Variants in MAPT observed in about 807,000 individuals in gnomAD.
MAPT encodes microtubule-associated protein tau.
Under a neutral mutation model 67.9 loss-of-function variants are expected in MAPT, and 34 were observed. The observed-to-expected ratio is 0.50, with a 90% confidence interval of 0.38 to 0.67. MAPT has a LOEUF of 0.67. Ranked by LOEUF, MAPT falls within the 30% of genes least tolerant of loss-of-function variation. The pLI, the probability that MAPT is intolerant of heterozygous loss-of-function variation, is 0.00. For missense variants in MAPT, 881 were observed against 1,115.2 expected (o/e 0.79, Z 2.99); for synonymous variants, 456 against 464.5 (o/e 0.98, Z 0.23).
chr17:46,018,860 G>A (rs1284526184), intron 12 of MAPT, 130 bp downstream of exon 12: 8 of 698,670 alleles, frequency 1.1e-5, no homozygotes, highest in Non-Finnish European at 2.0e-5. Context: ...CTGGATGTGG[G>A]CCCTCAGCAG....
At chr17:45,951,915 G>GGAGA (rs145267550) in intron 1 of MAPT, among the ~76,000 whole-genome samples, 1 of 151,490 alleles carries the variant, frequency 6.6e-6, no homozygotes, top group Admixed American at 6.6e-5. Flanking sequence ...AGAGAGAGGA[G>GGAGA]GAGAGAGAGA....
chr17:45,983,215 C>T lies in MAPT; in HGVS notation c.636C>T (p.Leu212=). 6.2e-7 allele frequency: 1 copy of T among 1,607,780 alleles called. No individual in the cohort carries two copies. The highest frequency in any genetic ancestry group is 1.1e-5 in the South Asian group (1 of 89,814). ...GTAAGGTGGTCCAGGAAGGCTTCCT[C>T]CGAGAGCCAGGCCCCCCAGGTCTGA... is the stretch of plus-strand genomic sequence containing the variant. ...ESGKVVQEGF[L]REPGPPGLSH... is the part of the protein sequence containing the mutation. The change falls in exon 5 of 13, where the codon CTC becomes CTT. Residue 212 remains leucine, a synonymous_variant. Coordinates refer to ENST00000262410, the MANE Select transcript of MAPT (RefSeq NM_001377265.1).
intron 1 of MAPT, among the ~76,000 whole-genome samples, chr17:45,944,990 G>T (rs1225703620): frequency 6.6e-6 from 1 of 152,224 alleles, no homozygotes; most frequent in Non-Finnish European, 1.5e-5. Context: ...GTCCACTAGA[G>T]GTTCCTCAGC....
intron 1 of MAPT, among the ~76,000 whole-genome samples, chr17:45,955,423 T>A (rs188973056): frequency 5.8e-4 from 89 of 152,286 alleles, no homozygotes; most frequent in African/African-American, 2.1e-3. Context: ...TCTCTACCCA[T>A]CCAATCGGCC....
rs1254513618 is a variant in MAPT, at chr17:46,014,882, C to CAAAAAAAA, written c.2173+562_2173+569dup. 1.5e-4 allele frequency among the ~76,000 whole-genome samples: 19 copies of CAAAAAAAA among 127,532 alleles called. 1 individual carries two copies. The highest frequency in any genetic ancestry group is 3.1e-4 in the Non-Finnish European group (18 of 58,774). The allele number at this position is 127,532 out of a possible 152,430, so 83.7% of individuals were successfully genotyped here. On this transcript the variant is annotated intron_variant, in intron 11 of 12. Transcript: ENST00000262410. Reference sequence around the variant, plus strand: ...TGGGCGACAGAGCGAGACTCCGTCTCAAAAAAAAAAAGCACATGTTCTCGC... The same window carrying CAAAAAAAA: ...TGGGCGACAGAGCGAGACTCCGTCTCAAAAAAAAAAAAAAAAAAAGCACATGTTCTCGC...
Position 46,010,206 on chromosome 17 carries a change from G to C in MAPT, c.1999-104G>C. 1.3e-6 allele frequency: 1 copy of C among 781,972 alleles called. No homozygotes were observed. The highest frequency in any genetic ancestry group is 2.2e-6 in the Non-Finnish European group (1 of 445,776). The allele number at this position is 781,972 out of a possible 1,614,324, so 48.4% of individuals were successfully genotyped here. ...GGCATCCTTGCGAGCAAGTAGGCGGGTCCAGGGTGGCGCATGTCACTCATC... is the reference window on the plus strand; with the variant it reads ...GGCATCCTTGCGAGCAAGTAGGCGGCTCCAGGGTGGCGCATGTCACTCATC... On this transcript the variant is annotated intron_variant, in intron 9 of 12. Transcript: ENST00000262410. This position sits in a 1 kb window ranked among gnomAD's most constrained non-coding sequence, Gnocchi z 4.7.
chr17:45,969,896 C>T (rs1396088439), intron 2 of MAPT, among the ~76,000 whole-genome samples: 1 of 151,634 alleles, frequency 6.6e-6, no homozygotes, highest in African/African-American at 2.4e-5. Flanking sequence ...TCCATCCATC[C>T]CATTATCCAT....
intron 1 of MAPT, among the ~76,000 whole-genome samples, chr17:45,924,422 G>A (rs183147042): frequency 3.9e-5 from 6 of 152,346 alleles, no homozygotes; most frequent in Non-Finnish European, 4.4e-5. Context: ...AGAGCGCTGG[G>A]CTAGCTGCCC....
At chr17:45,951,660 C>G (rs535172585) in intron 1 of MAPT, among the ~76,000 whole-genome samples, 1 of 152,118 alleles carries the variant, frequency 6.6e-6, no homozygotes, top group Non-Finnish European at 1.5e-5. Context: ...GAAGAAGGCA[C>G]CAACAGTGAC....
At position 45,996,993 on chromosome 17, in the gene MAPT, G is replaced by A. The variant is rs1056793630; in HGVS notation, c.1998+329G>A. Among the ~76,000 whole-genome samples, 14 of 152,160 alleles carry A rather than the reference G, an allele frequency of 9.2e-5. No individual in the cohort carries two copies. Among genetic ancestry groups the A allele is most frequent in the South Asian group, 2.1e-4 (1 of 4,828 alleles). ...ATGGCAGGGCTGTGTCTCCACGGCC[G>A]GAGGCTCTCATAGTCAGGGCACCCA... is the stretch of plus-strand genomic sequence containing the variant. On this transcript the variant is annotated intron_variant, in intron 9 of 12. Coordinates refer to ENST00000262410, the MANE Select transcript of MAPT (RefSeq NM_001377265.1). The surrounding 1 kb of genome is among the most constrained non-coding windows in gnomAD (Gnocchi z 4.5).
intron 1 of MAPT, among the ~76,000 whole-genome samples, chr17:45,935,153 T>C (rs1466229113): frequency 3.9e-5 from 6 of 152,070 alleles, no homozygotes; most frequent in Non-Finnish European, 2.9e-5. Flanking sequence ...GCTAATGGTG[T>C]GCTGAGAATT....
chr17:46,021,043 T>C (rs933962082), intron 12 of MAPT, among the ~76,000 whole-genome samples: 2 of 152,216 alleles, frequency 1.3e-5, no homozygotes, highest in East Asian at 3.8e-4. Context: ...CTCTTGCCAC[T>C]GCCTCTGGTT....
In MAPT at chr17:45,915,189, T is replaced by C. The variant is rs1022901016; in HGVS notation, c.-18+20503T>C. 2.0e-5 allele frequency among the ~76,000 whole-genome samples: 3 copies of C among 152,074 alleles called. No homozygotes were observed. The highest frequency in any genetic ancestry group is 2.9e-5 in the Non-Finnish European group (2 of 68,006). ...CTGATCTGGCCTAACCCTGTCATGT[T>C]AGAGACTGGAGTGCGTGTGTGTGCG... On this transcript the variant is annotated intron_variant, in intron 1 of 12. Transcript: ENST00000262410. The surrounding 1 kb of genome is among the most constrained non-coding windows in gnomAD (Gnocchi z 4.4).
intron 5 of MAPT, among the ~76,000 whole-genome samples, chr17:45,984,550 G>T (rs2073351448): frequency 6.6e-6 from 1 of 152,246 alleles, no homozygotes; most frequent in East Asian, 1.9e-4. Flanking sequence ...ACAGCATCCA[G>T]AGGTGGCCCA....
intron 1 of MAPT, among the ~76,000 whole-genome samples, chr17:45,933,994 A>ATT (rs1000450171): frequency 2.0e-5 from 3 of 152,156 alleles, no homozygotes; most frequent in African/African-American, 7.2e-5. Flanking sequence ...GCTACCTGCA[A>ATT]TTGATCTACT....
chr17:45,949,379 C>T (rs2068834418), intron 1 of MAPT, among the ~76,000 whole-genome samples: 1 of 152,244 alleles, frequency 6.6e-6, no homozygotes, highest in Admixed American at 6.5e-5. Context: ...CTCGGGCTTC[C>T]CCTGAGCCCC....
intron 1 of MAPT, among the ~76,000 whole-genome samples, chr17:45,919,017 G>T (rs943795397): frequency 6.6e-6 from 1 of 150,472 alleles, no homozygotes; most frequent in Non-Finnish European, 1.5e-5. Flanking sequence ...AGCCAAGATC[G>T]CCCCACTGCA....
At chr17:45,972,927 C>T (rs1292146559) in intron 3 of MAPT, 3 of 152,240 alleles carry the variant, frequency 2.0e-5, no homozygotes, top group South Asian at 2.1e-4. Flanking sequence ...AGCATTTTGC[C>T]GTCCAACCTC....
At chr17:45,999,263 G>C (rs2074781109) in intron 9 of MAPT, 2 of 1,609,240 alleles carry the variant, frequency 1.2e-6, no homozygotes, top group Non-Finnish European at 1.7e-6. Flanking sequence ...TGTGTCTGCT[G>C]CTCCCTAGTC....
Sources: gnomAD v4.1 joint callset for allele counts (sites outside exome capture counted in the v4.1 genomes callset) on GRCh38, gnomAD v4.1.1 for gene constraint, Gnocchi (gnomAD v3.1) non-coding constraint, MANE v1.5 for transcripts, NCBI Gene and HGNC (gene_info 2026-07-23, HGNC 2026-07-21) for gene names.